EMC1: variants seen among roughly 807,000 people sequenced by gnomAD.
The protein encoded by EMC1 is ER membrane protein complex subunit 1.
EMC1 carries 103 observed loss-of-function variants against 128.8 expected under a neutral mutation model. The observed-to-expected ratio is 0.80, with a 90% CI of 0.68 to 0.94. The LOEUF is 0.94. Ranked by LOEUF, EMC1 falls within the 40% of genes least tolerant of loss-of-function variation. The pLI is 0.00. For missense variants in EMC1, 1,083 were observed against 1,250.6 expected, an observed-to-expected ratio of 0.87 and a Z score of 2.02; for synonymous variants, 442 against 490.4, an observed-to-expected ratio of 0.90 and a Z score of 1.30.
intron 17 of EMC1, among the ~76,000 whole-genome samples, chr1:19,227,795 T>C (rs1018542991): frequency 6.6e-6 from 1 of 151,788 alleles, no homozygotes; most frequent in East Asian, 1.9e-4. Flanking sequence ...TGAGCTGAGA[T>C]CACGCCACTG....
In EMC1 at chr1:19,243,953, G is replaced by A; in HGVS notation, c.283C>T (p.Gln95Ter). Residue 95 changes from glutamine (Q) to a stop codon, truncating the protein, a stop_gained, in exon 3 of 23, where the codon CAG becomes TAG. Coordinates refer to ENST00000477853, the MANE Select transcript of EMC1 (RefSeq NM_015047.3). LOFTEE classifies it high-confidence loss of function. ...GACACGGGAGGACTCTGCTTACCCT[G>A]TCCGTGCAGCAGCATGGCATCCACA... ...GAVDAMLLHGQDVITVSNGGR... is the reference protein window; with the variant it reads ...GAVDAMLLHG 6.2e-7 allele frequency: 1 copy of A among 1,614,080 alleles called. No individual in the cohort carries two copies. Among genetic ancestry groups the A allele is most frequent in the Non-Finnish European group, 8.5e-7 (1 of 1,179,962 alleles).
chr1:19,238,739 C>T, intron 10 of EMC1, 56 bp downstream of exon 10: 1 of 1,239,728 alleles, frequency 8.1e-7, no homozygotes, highest in Non-Finnish European at 1.2e-6. Flanking sequence ...CCCCAACTCT[C>T]TTTGGTGGCC....
chr1:19,248,796 CCA>C (rs1297853598), intron 1 of EMC1, among the ~76,000 whole-genome samples: 3 of 152,196 alleles, frequency 2.0e-5, no homozygotes, highest in African/African-American at 7.2e-5. Flanking sequence ...CAGATGTTAG[CCA>C]CTGCGCCCGG....
At chr1:19,246,417 G>T (rs2093632395) in intron 1 of EMC1, among the ~76,000 whole-genome samples, 1 of 152,062 alleles carries the variant, frequency 6.6e-6, no homozygotes, top group Non-Finnish European at 1.5e-5. Context: ...AAATACTGTT[G>T]TTTTATCTGG....
rs746887273 is a variant in EMC1 at position 19,232,806 on chromosome 1, A to G, written c.1633-33T>C. On this transcript the variant is annotated intron_variant, in intron 14 of 22. Coordinates refer to ENST00000477853, the MANE Select transcript of EMC1 (RefSeq NM_015047.3). ...ATAAACAAATACTTGGCTCACTACT[A>G]GAAAGAGAAACCAAAGAACTGAGTC... 7.4e-6 allele frequency: 12 copies of G among 1,613,652 alleles called. 2 individuals are homozygous for G. The South Asian group carries it at 1.3e-4, about 18-fold the overall frequency.
At chr1:19,234,615 A>G (rs2093549378) in intron 13 of EMC1, among the ~76,000 whole-genome samples, 1 of 152,176 alleles carries the variant, frequency 6.6e-6, no homozygotes, top group Admixed American at 6.5e-5. Flanking sequence ...TGGGAGGCCA[A>G]AGCTGGCAGA....
rs759816328 is a variant in EMC1 at position 19,238,079 on chromosome 1, G to A, written c.1150C>T (p.Arg384Trp). Residue 384 changes from arginine (R) to tryptophan (W), a missense_variant, in exon 11 of 23, where the codon CGG becomes TGG. Coordinates refer to ENST00000477853, the MANE Select transcript of EMC1 (RefSeq NM_015047.3). ...GTTATCGTGGTGTCCAGCAGCCGCC[G>A]ACCTGTCTCCACGAGGTATAGGTTA... ...TINLYLVETG[R>W]RLLDTTITFS... The A allele has an allele frequency of 7.4e-5, 119 of 1,614,132 alleles. No homozygotes were observed. In the Middle Eastern group the frequency reaches 1.2e-3, roughly 16 times the overall value.
Position 19,222,799 on chromosome 1 carries a change from C to T in EMC1, c.2412G>A (p.Glu804=). 1 of 1,613,152 alleles carries T rather than the reference C, an allele frequency of 6.2e-7. No individual in the cohort carries two copies. The highest frequency in any genetic ancestry group is 8.5e-7 in the Non-Finnish European group (1 of 1,179,312). ...QYWNTKARRN[E]FTVLELYEGT... Reference sequence around the variant, plus strand: ...CCTCATAGAGCTCCAGTACGGTAAACTCGTTGCGCCGAGCCTTGGTGTTCC... The same window carrying T: ...CCTCATAGAGCTCCAGTACGGTAAATTCGTTGCGCCGAGCCTTGGTGTTCC... Residue 804 remains glutamate (E), a synonymous_variant, in exon 20 of 23, where the codon GAG becomes GAA. Transcript: ENST00000477853.
chr1:19,246,477 C>T (rs2093632605), intron 1 of EMC1, among the ~76,000 whole-genome samples: 1 of 152,006 alleles, frequency 6.6e-6, no homozygotes, highest in African/African-American at 2.4e-5. Context: ...GTGGGGGGAA[C>T]ACTTATAACA....
At position 19,230,961 on chromosome 1, in the gene EMC1, G is replaced by C. The variant is rs749774802; in HGVS notation, c.1947C>G (p.Val649=). ...CATTCCGAGTGGCTGGAAAAGCTGT[G>C]ACCTTGAAAAACCCAGAGAGCCCAA... ...VLLLIDDEYK[V]TAFPATRNVL... Residue 649 remains valine, a splice_region_variant and synonymous_variant, in exon 17 of 23, where the codon GTC becomes GTG. Coordinates refer to ENST00000477853, the MANE Select transcript of EMC1 (RefSeq NM_015047.3). 6.2e-7 allele frequency: 1 copy of C among 1,613,932 alleles called. No individual in the cohort carries two copies. The highest frequency in any genetic ancestry group is 1.1e-5 in the South Asian group (1 of 91,060).
At chr1:19,229,183 G>A (rs2093501530) in intron 17 of EMC1, among the ~76,000 whole-genome samples, 1 of 152,204 alleles carries the variant, frequency 6.6e-6, no homozygotes, top group Admixed American at 6.5e-5. Flanking sequence ...GAAGACCGCT[G>A]GGAATGGGGC....
rs1274698308 is a variant in EMC1 at position 19,243,618 on chromosome 1, C to G, written c.376G>C (p.Gly126Arg). Reference protein sequence around the residue: ...GLNWEITLDSGSFQALGLVGL... With the variant: ...GLNWEITLDSRSFQALGLVGL... The stretch of plus-strand genomic sequence containing the variant: ...AAAATCCAGTTTCTCCCCTACCTGC[C>G]ACTGTCCAGGGTTATCTCCCAGTTC... The change falls in exon 4 of 23, where the codon GGC (glycine) becomes CGC (arginine). Residue 126 changes from glycine to arginine, a missense_variant. Physicochemically the swap from Gly to Arg is moderately radical, Grantham distance 125 (BLOSUM62 -2). Coordinates refer to ENST00000477853, the MANE Select transcript of EMC1 (RefSeq NM_015047.3). 6.2e-7 allele frequency: 1 copy of G among 1,613,724 alleles called. No individual in the cohort carries two copies. The highest frequency in any genetic ancestry group is 1.3e-5 in the African/African-American group (1 of 74,932).
At chr1:19,237,310 G>T in intron 11 of EMC1, 72 bp from the exon 12 acceptor site, 4 of 1,045,192 alleles carry the variant, frequency 3.8e-6, no homozygotes, top group African/African-American at 1.6e-5. Flanking sequence ...GACCCCAGGA[G>T]TCAAAGCCTG....
intron 11 of EMC1, 81 bp downstream of exon 11, chr1:19,237,936 G>C: frequency 6.5e-7 from 1 of 1,532,828 alleles, no homozygotes; most frequent in Non-Finnish European, 8.8e-7. Flanking sequence ...CAAGCCCCAT[G>C]GCTAAGACCT....
In EMC1 at chr1:19,244,972, T is replaced by C; in HGVS notation, c.154A>G (p.Lys52Glu). The C allele has an allele frequency of 2.5e-6, 4 of 1,613,994 alleles. No individual in the cohort carries two copies. Among genetic ancestry groups the C allele is most frequent in the Non-Finnish European group, 2.5e-6 (3 of 1,179,916 alleles). ...FASLEFSPGS[K>E]KLVVATEKNV... is the part of the protein sequence containing the mutation. The stretch of plus-strand genomic sequence containing the variant: ...TTCTCTGTGGCTACAACCAACTTCT[T>C]GGATCCAGGGGAAAATTCCAAGGAG... Residue 52 changes from lysine (K) to glutamate (E), a missense_variant, in exon 2 of 23, where the codon AAG becomes GAG. Physicochemically the swap from Lys to Glu is moderately conservative, Grantham distance 56 (BLOSUM62 1). Around this residue, in one of 3 missense-constraint regions of EMC1, gnomAD observed 544 missense variants for 572.4 expected, o/e 0.95. Coordinates refer to ENST00000477853, the MANE Select transcript of EMC1 (RefSeq NM_015047.3).
At chr1:19,238,704 G>T in intron 10 of EMC1, 91 bp downstream of exon 10, 1 of 824,850 alleles carries the variant, frequency 1.2e-6, no homozygotes. Flanking sequence ...GGAACTCTAG[G>T]ACCTGCTCCT....
chr1:19,249,311 T>C (rs1416813384), intron 1 of EMC1, among the ~76,000 whole-genome samples: 2 of 152,364 alleles, frequency 1.3e-5, no homozygotes, highest in African/African-American at 2.4e-5. Flanking sequence ...TTCTGCAAGA[T>C]ACATTCATGT....
chr1:19,235,359 G>T, intron 12 of EMC1, 107 bp from the exon 13 acceptor site: 1 of 1,210,118 alleles, frequency 8.3e-7, no homozygotes, highest in Non-Finnish European at 1.1e-6. Flanking sequence ...CTTGAGCCCA[G>T]GAATTTGAGA....
chr1:19,243,572 A>G, intron 4 of EMC1, 42 bp downstream of exon 4: 1 of 1,540,614 alleles, frequency 6.5e-7, no homozygotes, highest in South Asian at 1.1e-5. Flanking sequence ...GTTCCGGTGA[A>G]GCCTTTAACT....
Sources: gnomAD v4.1 joint callset for allele counts (sites outside exome capture counted in the v4.1 genomes callset) on GRCh38, gnomAD v4.1.1 for gene constraint, gnomAD v4.1.1 regional missense constraint, MANE v1.5 for transcripts, NCBI Gene and HGNC (gene_info 2026-07-23, HGNC 2026-07-21) for gene names.